SPOCK3: variants seen among roughly 807,000 people sequenced by gnomAD.
SPOCK3 encodes the protein SPARC (osteonectin), cwcv and kazal like domains proteoglycan 3.
A neutral mutation model predicts 56.6 loss-of-function variants in SPOCK3; 30 were observed. The observed-to-expected ratio is 0.53, with a 90% CI of 0.40 to 0.72. The LOEUF is 0.72. Among genes scored for constraint, SPOCK3 ranks in the 30% least tolerant of loss-of-function variants. SPOCK3 has a pLI of 0.00. For synonymous variants in SPOCK3, 196 were observed against 183.3 expected, an observed-to-expected ratio of 1.07 and a Z score of -0.56; for missense variants, 527 against 530.0, an observed-to-expected ratio of 0.99 and a Z score of 0.06.
intron 4 of SPOCK3, among the ~76,000 whole-genome samples, chr4:166,934,460 T>C (rs1211233364): frequency 6.6e-6 from 1 of 151,888 alleles, no homozygotes; most frequent in African/African-American, 2.4e-5. Context: ...ATCGCGCCAC[T>C]GCGCTTCAGC....
intron 4 of SPOCK3, among the ~76,000 whole-genome samples, chr4:166,983,551 C>A (rs549023838): frequency 2.0e-5 from 3 of 152,062 alleles, no homozygotes; most frequent in East Asian, 1.9e-4. Context: ...GAAATAAATT[C>A]TAGTGTTCTA....
rs200953499 is a variant in SPOCK3 at position 166,768,017 on chromosome 4, C to CTTTT, written c.710-13292_710-13289dup. On this transcript the variant is annotated intron_variant, in intron 7 of 10. Coordinates refer to ENST00000357545, the MANE Select transcript of SPOCK3 (RefSeq NM_001040159.2). ...TCAGAGACTAGGATTGCAAACCCTG[C>CTTTT]TTTTTTTGTTTTACATTTGTCTGGT... Among the ~76,000 whole-genome samples the CTTTT allele has an allele frequency of 4.2e-3, 470 of 111,228 alleles. 3 individuals carry two copies. Among genetic ancestry groups the CTTTT allele is most frequent in the African/African-American group, 0.018 (430 of 24,044 alleles). 73.0% of individuals were successfully genotyped at this position (111,228 alleles called of 152,430 possible).
chr4:166,908,937 C>A (rs577265754), intron 5 of SPOCK3, among the ~76,000 whole-genome samples: 1 of 152,128 alleles, frequency 6.6e-6, no homozygotes, highest in African/African-American at 2.4e-5. Flanking sequence ...TCTCAAACAA[C>A]CTTGAACAGA....
Position 166,879,074 on chromosome 4 carries a change from C to G in SPOCK3, c.589+10056G>C, listed in dbSNP as rs568962272. Among the ~76,000 whole-genome samples the G allele has an allele frequency of 3.3e-5, 5 of 152,110 alleles. No homozygotes were observed. The South Asian group carries it at 1.0e-3, about 32-fold the overall frequency. ...TCTTAACCAAAATTTAGAAAAGTGA[C>G]AAACCTGGGGTAAAATCAGCCTGTT... On this transcript the variant is annotated intron_variant, in intron 6 of 10. Transcript: ENST00000357545.
intron 5 of SPOCK3, among the ~76,000 whole-genome samples, chr4:166,909,966 C>A (rs1478226190): frequency 6.6e-6 from 1 of 151,914 alleles, no homozygotes; most frequent in Admixed American, 6.6e-5. Flanking sequence ...AGCTAAATAG[C>A]CTAGGGCAAT....
chr4:166,880,226 G>T (rs1579518780), intron 6 of SPOCK3, among the ~76,000 whole-genome samples: 1 of 152,074 alleles, frequency 6.6e-6, no homozygotes, highest in Non-Finnish European at 1.5e-5. Context: ...GAAGTCTGTG[G>T]TCATTTCTCA....
intron 2 of SPOCK3, among the ~76,000 whole-genome samples, chr4:167,168,695 G>A (rs578027708): frequency 6.6e-6 from 1 of 152,148 alleles, no homozygotes; most frequent in African/African-American, 2.4e-5. Context: ...ATTTTCTGGG[G>A]AGAAATTCCA....
intron 2 of SPOCK3, among the ~76,000 whole-genome samples, chr4:167,137,434 G>T (rs943383498): frequency 2.0e-5 from 3 of 151,850 alleles, no homozygotes; most frequent in Admixed American, 1.3e-4. Flanking sequence ...TATGGAGGAG[G>T]ATAGAATAAA....
At chr4:167,047,889 T>C (rs1048093443) in intron 3 of SPOCK3, among the ~76,000 whole-genome samples, 14 of 151,984 alleles carry the variant, frequency 9.2e-5, no homozygotes, top group African/African-American at 3.4e-4. Flanking sequence ...CTCTACACAA[T>C]ACAAAATTTA....
rs1561133018 is a variant in SPOCK3, at chr4:167,025,220, G to GT, written c.236-24758_236-24757insA. ...GTGGACAATTCTTTGGCCACTGAAT[G>GT]CTTTTTTTTTTTTCCTTAGAAAAAA... On this transcript the variant is annotated intron_variant, in intron 3 of 10. Coordinates refer to ENST00000357545, the MANE Select transcript of SPOCK3 (RefSeq NM_001040159.2). 9.5e-4 allele frequency among the ~76,000 whole-genome samples: 129 copies of GT among 135,596 alleles called. 1 individual carries two copies. The highest frequency in any genetic ancestry group is 2.7e-3 in the African/African-American group (91 of 34,324). The allele number at this position is 135,596 out of a possible 152,430, so 89.0% of individuals were successfully genotyped here. A position where few individuals can be genotyped will look rare whatever the true frequency, so the allele number is the denominator to read the frequency against.
intron 3 of SPOCK3, among the ~76,000 whole-genome samples, chr4:167,015,494 C>G (rs1750528929): frequency 6.6e-6 from 1 of 152,130 alleles, no homozygotes; most frequent in African/African-American, 2.4e-5. Flanking sequence ...TTTCTTCTTT[C>G]AGAAGATTGA....
chr4:166,817,485 C>A (rs1011776315), intron 6 of SPOCK3, among the ~76,000 whole-genome samples: 11 of 151,934 alleles, frequency 7.2e-5, no homozygotes, highest in Non-Finnish European at 8.8e-5. Context: ...TGTATCCCAA[C>A]TGATAGTAGC....
chr4:167,207,564 T>C (rs1734471252), intron 2 of SPOCK3, among the ~76,000 whole-genome samples: 1 of 152,156 alleles, frequency 6.6e-6, no homozygotes, highest in Non-Finnish European at 1.5e-5. Flanking sequence ...CAATGTTGTT[T>C]ATTCATTTAT....
chr4:167,195,031 C>A (rs955790827), intron 2 of SPOCK3, among the ~76,000 whole-genome samples: 5 of 152,140 alleles, frequency 3.3e-5, no homozygotes, highest in African/African-American at 4.8e-5. Context: ...TGCAGGCCTA[C>A]CTCTAGTGAC....
chr4:166,764,725 A>G (rs9683660), intron 7 of SPOCK3, among the ~76,000 whole-genome samples: 49,978 of 151,774 alleles, frequency 0.33, 8,387 homozygotes, highest in Admixed American at 0.42. Context: ...TGGCTGGGTC[A>G]AATGGTATTT....
At chr4:167,104,311 T>C (rs1310673251) in intron 2 of SPOCK3, among the ~76,000 whole-genome samples, 1 of 152,136 alleles carries the variant, frequency 6.6e-6, no homozygotes, top group African/African-American at 2.4e-5. Flanking sequence ...AATAGCTCTT[T>C]TGAGGAAATC....
intron 3 of SPOCK3, among the ~76,000 whole-genome samples, chr4:167,037,494 G>GAAAAAAA (rs34198420): frequency 7.1e-6 from 1 of 141,808 alleles, no homozygotes; most frequent in Non-Finnish European, 1.5e-5. Flanking sequence ...AAAAGAAGAA[G>GAAAAAAA]AAAAAAAAAA....
intron 5 of SPOCK3, among the ~76,000 whole-genome samples, chr4:166,902,762 T>C (rs1736195271): frequency 1.3e-5 from 2 of 151,570 alleles, no homozygotes; most frequent in African/African-American, 4.8e-5. Flanking sequence ...GTTTAATCTA[T>C]TGACTTAATT....
chr4:167,151,478 AG>A lies in SPOCK3; in HGVS notation c.189+82506del, dbSNP rs374105842. 7.0e-3 allele frequency among the ~76,000 whole-genome samples: 984 copies of A among 140,512 alleles called. 19 individuals carry two copies. Among genetic ancestry groups the A allele is most frequent in the African/African-American group, 0.025 (918 of 37,150 alleles). The allele number at this position is 140,512 out of a possible 152,430, so 92.2% of individuals were successfully genotyped here. On this transcript the variant is annotated intron_variant, in intron 2 of 10. Transcript: ENST00000357545. ...GAGACGGAGTCTCGCTCTGTTGCCC[AG>A]GCTGGAGTGCAGTGGCATGATCTCG... is the stretch of plus-strand genomic sequence containing the variant.
Sources: allele counts gnomAD v4.1 joint callset (sites outside exome capture counted in the v4.1 genomes callset), GRCh38; gene constraint gnomAD v4.1.1; transcripts MANE v1.5; gene names NCBI Gene and HGNC (gene_info 2026-07-23, HGNC 2026-07-21).